Variants in GSE1 observed in about 807,000 individuals in gnomAD.
The protein encoded by GSE1 is Gse1 coiled-coil protein, also known as genetic suppressor element 1.
GSE1 carries 32 observed loss-of-function variants against 112.6 expected under a neutral mutation model. That is an observed-to-expected ratio of 0.28 (90% CI 0.21 to 0.38). The LOEUF (loss-of-function observed/expected upper bound fraction) is 0.38, where lower values mean the gene tolerates loss of function less well. Among genes scored for constraint, GSE1 ranks in the 10% least tolerant of loss-of-function variants. GSE1 has a pLI of 1.00. For synonymous variants in GSE1, 1,115 were observed against 735.6 expected, an observed-to-expected ratio of 1.52 and a Z score of -8.35; for missense variants, 2,348 against 1,699.2, an observed-to-expected ratio of 1.38 and a Z score of -6.71.
At chr16:85,228,690 G>A (rs2075531542) in intron 1 of GSE1, among the ~76,000 whole-genome samples, 2 of 152,178 alleles carry the variant, frequency 1.3e-5, no homozygotes, top group African/African-American at 4.8e-5. Context: ...TGGGTCACAG[G>A]CACAGACGGG....
At chr16:85,214,194 G>A (rs1387657175) in intron 1 of GSE1, among the ~76,000 whole-genome samples, 2 of 152,218 alleles carry the variant, frequency 1.3e-5, no homozygotes, top group Non-Finnish European at 2.9e-5. Flanking sequence ...ACCCACGAGA[G>A]CAGCTCCGGA....
At chr16:85,358,342 G>A (rs1035142400) in intron 2 of GSE1, among the ~76,000 whole-genome samples, 4 of 152,168 alleles carry the variant, frequency 2.6e-5, no homozygotes, top group Non-Finnish European at 1.5e-5. Flanking sequence ...CCCATGATGC[G>A]TTTTTATGGC....
At chr16:85,489,544 C>G (rs1229124467) in intron 2 of GSE1, among the ~76,000 whole-genome samples, 1 of 152,076 alleles carries the variant, frequency 6.6e-6, no homozygotes, top group East Asian at 1.9e-4. Context: ...AGTGCCCACC[C>G]CGCAGCGCCT....
At chr16:85,607,077 G>GCA (rs1451197408), upstream of GSE1, among the ~76,000 whole-genome samples, 101 of 145,410 alleles carry the variant, frequency 6.9e-4, no homozygotes, top group African/African-American at 2.4e-3. Flanking sequence ...GGGGGGGCGG[G>GCA]AGGGAGGAGG....
At chr16:85,235,234 C>A (rs1045708803) in intron 1 of GSE1, among the ~76,000 whole-genome samples, 1 of 152,074 alleles carries the variant, frequency 6.6e-6, no homozygotes, top group Non-Finnish European at 1.5e-5. Context: ...AAAATCAGAA[C>A]AAGCTCCCAA....
intron 2 of GSE1, among the ~76,000 whole-genome samples, chr16:85,536,046 A>G (rs1473376119): frequency 6.6e-6 from 1 of 152,268 alleles, no homozygotes; most frequent in Admixed American, 6.5e-5. Context: ...AAGAGGGGAC[A>G]GTAGCAAAGC....
At chr16:85,298,975 C>T (rs1424803329) in intron 1 of GSE1, among the ~76,000 whole-genome samples, 1 of 152,182 alleles carries the variant, frequency 6.6e-6, no homozygotes. Flanking sequence ...CGTAGGCACA[C>T]GGGCCAGCCT....
rs893826781 is a variant in GSE1 at position 85,196,407 on chromosome 16, G to A, written c.2283+24600G>A. On this transcript the variant is annotated intron_variant, in intron 1 of 2. Coordinates refer to the GSE1 transcript ENST00000637419. ...CCCCTGGGGGATGGGAGAGGAGAGAGCAGGGAAGGGATTGGCGTCAAGTTC... is the reference window on the plus strand; with the variant it reads ...CCCCTGGGGGATGGGAGAGGAGAGAACAGGGAAGGGATTGGCGTCAAGTTC... 2.0e-5 allele frequency among the ~76,000 whole-genome samples: 3 copies of A among 152,164 alleles called. No homozygotes were observed. In the East Asian group the frequency reaches 5.8e-4, roughly 29 times the overall value.
chr16:85,509,874 G>A (rs1195042528), intron 2 of GSE1, among the ~76,000 whole-genome samples: 2 of 152,280 alleles, frequency 1.3e-5, no homozygotes, highest in East Asian at 1.9e-4. Context: ...CAGCCCCCAC[G>A]TCCTGATCCC....
intron 2 of GSE1, among the ~76,000 whole-genome samples, chr16:85,545,926 G>T (rs903892500): frequency 6.8e-6 from 1 of 147,310 alleles, no homozygotes; most frequent in Admixed American, 6.8e-5. Context: ...GGGACTACAG[G>T]CGCCCGCCAC....
chr16:85,673,579 AAG>A lies in GSE1; in HGVS notation c.*1043_*1044del, dbSNP rs1375939476. The A allele has an allele frequency of 3.9e-5, 6 of 152,422 alleles. No individual in the cohort carries two copies. The highest frequency in any genetic ancestry group is 1.9e-4 in the East Asian group (1 of 5,182). 9.4% of individuals were successfully genotyped at this position (152,422 alleles called of 1,614,324 possible). A position where few individuals can be genotyped will look rare whatever the true frequency, so the allele number is the denominator to read the frequency against. ...AAAAATTAAAGAAGAAGAAAAGTAA[AAG>A]AGCTTACCACTGGCGCCTATGCGAT... On this transcript the variant is annotated 3_prime_UTR_variant, in exon 16 of 16. Coordinates refer to ENST00000253458, the MANE Select transcript of GSE1 (RefSeq NM_014615.5).
rs200342108 is a variant in GSE1, at chr16:85,654,439, C to T, written c.588C>T (p.Phe196=). The part of the protein sequence containing the change: ...SPSSVVQDSR[F]PPLNLQRPVH... Reference sequence around the variant, plus strand: ...GCTCAGTTGTGCAGGATTCCCGCTTCCCGCCACTCAAGTAAGTTGGTCGGC... The same window carrying T: ...GCTCAGTTGTGCAGGATTCCCGCTTTCCGCCACTCAAGTAAGTTGGTCGGC... The change falls in exon 4 of 16, where the codon TTC becomes TTT. Residue 196 remains phenylalanine, a synonymous_variant. Coordinates refer to ENST00000253458, the MANE Select transcript of GSE1 (RefSeq NM_014615.5). 1 of 1,566,586 alleles carries T rather than the reference C, an allele frequency of 6.4e-7. No homozygotes were observed. Among genetic ancestry groups the T allele is most frequent in the South Asian group, 1.2e-5 (1 of 84,250 alleles).
intron 1 of GSE1, among the ~76,000 whole-genome samples, chr16:85,280,821 T>C (rs77077200): frequency 0.02 from 2,983 of 152,338 alleles, 94 homozygotes; most frequent in African/African-American, 0.069. Context: ...CTGAGGACTC[T>C]GTCTTGTGTT....
chr16:85,216,547 C>T (rs372249314), intron 1 of GSE1, among the ~76,000 whole-genome samples: 9 of 152,346 alleles, frequency 5.9e-5, no homozygotes, highest in Admixed American at 2.0e-4. Flanking sequence ...GCTTACCACA[C>T]GTGTCAGGAA....
At chr16:85,393,742 G>C (rs1164829397) in intron 2 of GSE1, among the ~76,000 whole-genome samples, 1 of 152,198 alleles carries the variant, frequency 6.6e-6, no homozygotes, top group Non-Finnish European at 1.5e-5. Flanking sequence ...CTTCTTAGGG[G>C]CCCAGTCCAG....
At position 85,174,315 on chromosome 16, in the gene GSE1, G is replaced by A. The variant is rs377081343; in HGVS notation, c.2283+2508G>A. Reference sequence around the variant, plus strand: ...CTTGAAAGAAAGTGGAACGGACTGAGAAGAGATCTGCTCAGGGCCCAGAGG... The same window carrying A: ...CTTGAAAGAAAGTGGAACGGACTGAAAAGAGATCTGCTCAGGGCCCAGAGG... On this transcript the variant is annotated intron_variant, in intron 1 of 2. Coordinates refer to the GSE1 transcript ENST00000637419. Among the ~76,000 whole-genome samples, 346 of 152,344 alleles carry A rather than the reference G, an allele frequency of 2.3e-3. 2 individuals carry two copies. Among genetic ancestry groups the A allele is most frequent in the African/African-American group, 6.8e-3 (284 of 41,582 alleles).
chr16:85,629,778 G>T (rs1248563717), intron 1 of GSE1, among the ~76,000 whole-genome samples: 2 of 152,216 alleles, frequency 1.3e-5, no homozygotes, highest in Non-Finnish European at 2.9e-5. Flanking sequence ...CAGAGTCTCT[G>T]TGTGCAGATA....
chr16:85,598,226 A>G (rs1173720912), intron 1 of GSE1, among the ~76,000 whole-genome samples: 1 of 141,368 alleles, frequency 7.1e-6, no homozygotes, highest in African/African-American at 2.7e-5. Flanking sequence ...AGGGCTGGAC[A>G]AGAGGGCCCA....
chr16:85,560,210 A>G (rs2045453070), intron 1 of GSE1, among the ~76,000 whole-genome samples: 1 of 137,740 alleles, frequency 7.3e-6, no homozygotes, highest in Admixed American at 8.5e-5. Flanking sequence ...ATTTCGGCTC[A>G]CTGCAACCTC....
Sources: gnomAD v4.1 joint callset for allele counts (sites outside exome capture counted in the v4.1 genomes callset) on GRCh38, gnomAD v4.1.1 for gene constraint, MANE v1.5 for transcripts, NCBI Gene and HGNC (gene_info 2026-07-23, HGNC 2026-07-21) for gene names.